KDF1: variants seen among roughly 807,000 people sequenced by gnomAD.
KDF1 encodes RP11-344H11.3.
KDF1 carries 11 observed loss-of-function variants against 31.6 expected under a neutral mutation model. The observed-to-expected ratio is 0.35, with a 90% confidence interval of 0.22 to 0.58. KDF1 has a LOEUF of 0.58. KDF1 is among the 20% of genes least tolerant of loss of function. The pLI is 0.83. For missense variants in KDF1, 476 were observed against 549.1 expected, an observed-to-expected ratio of 0.87 and a Z score of 1.33; for synonymous variants, 205 against 214.4, an observed-to-expected ratio of 0.96 and a Z score of 0.38.
chr1:26,956,472 C>T (rs2082377862), intron 1 of KDF1, among the ~76,000 whole-genome samples: 1 of 152,158 alleles, frequency 6.6e-6, no homozygotes, highest in Admixed American at 6.5e-5. Flanking sequence ...GATGAATTGA[C>T]ATCAAGTTCC....
At position 26,949,665 on chromosome 1, in the gene KDF1, C is replaced by G. The variant is rs1017369486; in HGVS notation, c.*404G>C. 1.4e-4 allele frequency: 30 copies of G among 210,884 alleles called. No individual in the cohort carries two copies. The highest frequency in any genetic ancestry group is 2.5e-4 in the Non-Finnish European group (26 of 104,106). The allele number at this position is 210,884 out of a possible 1,614,324, so 13.1% of individuals were successfully genotyped here. ...ACATAGAGTGGGCCCTGCCCACCCC[C>G]CAATACAATACATTTAAGATAAGCT... On this transcript the variant is annotated 3_prime_UTR_variant, in exon 4 of 4. Transcript: ENST00000320567.
In KDF1 at chr1:26,949,956, G is replaced by A. The variant is rs2082339141; in HGVS notation, c.*113C>T. 2.8e-6 allele frequency: 3 copies of A among 1,059,456 alleles called. 1 individual carries two copies. The East Asian group carries it at 7.8e-5, about 27-fold the overall frequency. 65.6% of individuals were successfully genotyped at this position (1,059,456 alleles called of 1,614,324 possible). A position where few individuals can be genotyped will look rare whatever the true frequency, so the allele number is the denominator to read the frequency against. The stretch of plus-strand genomic sequence containing the variant: ...CAGTCAGCCAAGGCAGGAGGAGCCA[G>A]AGTGGGCACTGCTTCAGGTCTAAGC... On this transcript the variant is annotated 3_prime_UTR_variant, in exon 4 of 4. Transcript: ENST00000320567.
intron 1 of KDF1, among the ~76,000 whole-genome samples, chr1:26,959,620 G>T (rs972194543): frequency 6.9e-6 from 1 of 144,584 alleles, no homozygotes; most frequent in South Asian, 2.4e-4. Context: ...AGAGGGTCCC[G>T]GCCCGCCCTC....
chr1:26,956,464 T>C (rs1465665735), intron 1 of KDF1, among the ~76,000 whole-genome samples: 1 of 152,186 alleles, frequency 6.6e-6, no homozygotes, highest in Non-Finnish European at 1.5e-5. Context: ...CATAATGGGA[T>C]GAATTGACAT....
intron 1 of KDF1, among the ~76,000 whole-genome samples, chr1:26,954,802 C>T (rs1249038235): frequency 1.4e-5 from 2 of 142,580 alleles, no homozygotes; most frequent in South Asian, 2.3e-4. Context: ...CATTGCACTC[C>T]AGCCTGGGTG....
rs1354252034 is a variant in KDF1, at chr1:26,950,815, C to CT, written c.1040-60dup. 1 of 1,497,056 alleles carries CT rather than the reference C, an allele frequency of 6.7e-7. No homozygotes were observed. Among genetic ancestry groups the CT allele is most frequent in the East Asian group, 2.3e-5 (1 of 44,164 alleles). The allele number at this position is 1,497,056 out of a possible 1,614,324, so 92.7% of individuals were successfully genotyped here. A position where few individuals can be genotyped will look rare whatever the true frequency, so the allele number is the denominator to read the frequency against. On this transcript the variant is annotated intron_variant, in intron 2 of 3. Transcript: ENST00000320567. This position sits in a 1 kb window ranked among gnomAD's most constrained non-coding sequence, Gnocchi z 4.0. ...TAGCACGTTCTTTCAACCCTATTTC[C>CT]TACTTCTGTTCCCAGCCCGATGAGG...
intron 1 of KDF1, among the ~76,000 whole-genome samples, chr1:26,957,909 G>C (rs1350048208): frequency 6.6e-6 from 1 of 152,004 alleles, no homozygotes; most frequent in African/African-American, 2.4e-5. Flanking sequence ...CTGCCTCCCA[G>C]GTGGAGGCAA....
intron 1 of KDF1, among the ~76,000 whole-genome samples, chr1:26,957,639 A>G (rs1478930895): frequency 6.6e-6 from 1 of 152,100 alleles, no homozygotes; most frequent in Admixed American, 6.6e-5. Context: ...GTGAAATCCC[A>G]TCTGCAACGG....
At chr1:26,953,923 C>T (rs1266045239) in intron 1 of KDF1, among the ~76,000 whole-genome samples, 1 of 150,556 alleles carries the variant, frequency 6.6e-6, no homozygotes, top group Admixed American at 6.6e-5. Flanking sequence ...CCATTGCACT[C>T]CAGCCTGGGC....
intron 1 of KDF1, among the ~76,000 whole-genome samples, chr1:26,957,080 C>A (rs2082380295): frequency 6.6e-6 from 1 of 152,116 alleles, no homozygotes; most frequent in Admixed American, 6.5e-5. Context: ...GTGCATACCA[C>A]CCTGCCCCAC....
Position 26,949,654 on chromosome 1 carries a change from C to G in KDF1, c.*415G>C. The G allele has an allele frequency of 5.4e-6, 1 of 184,554 alleles. No individual in the cohort carries two copies. The highest frequency in any genetic ancestry group is 1.1e-5 in the Non-Finnish European group (1 of 88,100). 11.4% of individuals were successfully genotyped at this position (184,554 alleles called of 1,614,324 possible). A position where few individuals can be genotyped will look rare whatever the true frequency, so the allele number is the denominator to read the frequency against. On this transcript the variant is annotated 3_prime_UTR_variant, in exon 4 of 4. Coordinates refer to ENST00000320567, the MANE Select transcript of KDF1 (RefSeq NM_152365.3). ...TCCTTAACATAACATAGAGTGGGCC[C>G]TGCCCACCCCCCAATACAATACATT...
At chr1:26,953,575 C>T (rs1570756484) in intron 1 of KDF1, among the ~76,000 whole-genome samples, 1 of 152,156 alleles carries the variant, frequency 6.6e-6, no homozygotes, top group African/African-American at 2.4e-5. Context: ...TATTACTCAG[C>T]CTTAAAAAGG....
Position 26,949,882 on chromosome 1 carries a change from A to C in KDF1, c.*187T>G. On this transcript the variant is annotated 3_prime_UTR_variant, in exon 4 of 4. Coordinates refer to ENST00000320567, the MANE Select transcript of KDF1 (RefSeq NM_152365.3). Reference sequence around the variant, plus strand: ...AGGGATCAGACCAGCTGGGGATGCAAGGAGATGTAGATCCCATGGCCCAGT... The same window carrying C: ...AGGGATCAGACCAGCTGGGGATGCACGGAGATGTAGATCCCATGGCCCAGT... 4 of 561,164 alleles carry C rather than the reference A, an allele frequency of 7.1e-6. No individual in the cohort carries two copies. The highest frequency in any genetic ancestry group is 9.6e-6 in the Non-Finnish European group (3 of 313,434). The allele number at this position is 561,164 out of a possible 1,614,324, so 34.8% of individuals were successfully genotyped here.
intron 1 of KDF1, among the ~76,000 whole-genome samples, chr1:26,958,385 G>C (rs539279735): frequency 6.7e-6 from 1 of 149,286 alleles, no homozygotes. Flanking sequence ...CACCCACCTC[G>C]GCCTCTCAAA....
chr1:26,949,973 GGTCTA>G lies in KDF1; in HGVS notation c.*91_*95del. On this transcript the variant is annotated 3_prime_UTR_variant, in exon 4 of 4. Transcript: ENST00000320567. The stretch of plus-strand genomic sequence containing the variant: ...AGGAGCCAGAGTGGGCACTGCTTCA[GGTCTA>G]AGCCTCTCCCACAGGGGTTCCTGGT... 7.7e-7 allele frequency: 1 copy of G among 1,300,784 alleles called. No homozygotes were observed. Among genetic ancestry groups the G allele is most frequent in the South Asian group, 1.3e-5 (1 of 79,084 alleles). 80.6% of individuals were successfully genotyped at this position (1,300,784 alleles called of 1,614,324 possible). A position where few individuals can be genotyped will look rare whatever the true frequency, so the allele number is the denominator to read the frequency against.
At position 26,952,309 on chromosome 1, in the gene KDF1, C is replaced by T. The variant is rs750638599; in HGVS notation, c.72G>A (p.Glu24=). 1.2e-5 allele frequency: 18 copies of T among 1,534,156 alleles called. No individual in the cohort carries two copies. In the East Asian group the frequency reaches 2.5e-4, roughly 21 times the overall value. The change falls in exon 2 of 4, where the codon GAG becomes GAA. Residue 24 remains glutamate (E), a synonymous_variant. Transcript: ENST00000320567. The surrounding 1 kb of genome is among the most constrained non-coding windows in gnomAD (Gnocchi z 4.1). Reference sequence around the variant, plus strand: ...GTTTATCATATGTCTCCAGACATAGCTCTGTTGGCCGCTCCCACGGTCCCA... The same window carrying T: ...GTTTATCATATGTCTCCAGACATAGTTCTGTTGGCCGCTCCCACGGTCCCA... ...PRLGPWERPT[E]LCLETYDKPP...
chr1:26,954,515 C>T (rs186817140), intron 1 of KDF1, among the ~76,000 whole-genome samples: 212 of 151,708 alleles, frequency 1.4e-3, no homozygotes, highest in African/African-American at 4.8e-3. Flanking sequence ...TGAGCCACTG[C>T]GCCTGGCCAA....
At position 26,951,978 on chromosome 1, in the gene KDF1, GC is replaced by G; in HGVS notation, c.402del (p.Ser137AlafsTer111). On this transcript the variant is annotated frameshift_variant, in exon 2 of 4. Transcript: ENST00000320567. LOFTEE classifies it high-confidence loss of function. This position sits in a 1 kb window ranked among gnomAD's most constrained non-coding sequence, Gnocchi z 5.4. ...EANWAKEHNG[V>X]PPSPDRAPPS... ...GGGGGTGCACGATCAGGGCTGGGGG[GC>G]ACTCCATTGTGCTCCTTGGCCCAGT... 6.2e-7 allele frequency: 1 copy of G among 1,609,294 alleles called. No individual in the cohort carries two copies. Among genetic ancestry groups the G allele is most frequent in the Non-Finnish European group, 8.5e-7 (1 of 1,176,670 alleles).
chr1:26,951,696 T>C lies in KDF1; in HGVS notation c.685A>G (p.Met229Val), dbSNP rs2082349690. ...FHESDLDLPE[M>V]GSGSMSSREI... Reference sequence around the variant, plus strand: ...CGGCTCGACATGGAGCCACTGCCCATCTCCGGCAGGTCCAGGTCCGACTCA... The same window carrying C: ...CGGCTCGACATGGAGCCACTGCCCACCTCCGGCAGGTCCAGGTCCGACTCA... The change falls in exon 2 of 4, where the codon ATG becomes GTG. Residue 229 changes from methionine (M) to valine (V), a missense_variant. By Grantham distance (21) the Met-to-Val change is conservative. Transcript: ENST00000320567. This position sits in a 1 kb window ranked among gnomAD's most constrained non-coding sequence, Gnocchi z 5.4. 9 of 1,613,832 alleles carry C rather than the reference T, an allele frequency of 5.6e-6. No individual in the cohort carries two copies. Among genetic ancestry groups the C allele is most frequent in the Non-Finnish European group, 7.6e-6 (9 of 1,180,030 alleles).
Sources: gnomAD v4.1 joint callset for allele counts (sites outside exome capture counted in the v4.1 genomes callset) on GRCh38, gnomAD v4.1.1 for gene constraint, Gnocchi (gnomAD v3.1) non-coding constraint, MANE v1.5 for transcripts, NCBI Gene and HGNC (gene_info 2026-07-23, HGNC 2026-07-21) for gene names.